TBCK: variants seen among roughly 807,000 people sequenced by gnomAD.
TBCK encodes the protein TBC1 domain containing kinase.
In TBCK, 99 loss-of-function variants were observed where a neutral mutation model predicts 113.4. The ratio of observed to expected loss-of-function variants is 0.87; its 90% CI spans 0.74 to 1.03. The LOEUF (loss-of-function observed/expected upper bound fraction) is 1.03, where lower values mean the gene tolerates loss of function less well. Ranked by LOEUF, TBCK falls within the 50% of genes least tolerant of loss-of-function variation. TBCK has a pLI of 0.00. For missense variants in TBCK, 1,045 were observed against 1,061.3 expected (o/e 0.98, Z 0.21); for synonymous variants, 369 against 370.8 (o/e 1.00, Z 0.05).
chr4:106,151,793 G>C (rs1748522003), intron 23 of TBCK, among the ~76,000 whole-genome samples: 1 of 151,790 alleles, frequency 6.6e-6, no homozygotes, highest in Admixed American at 6.6e-5. Flanking sequence ...TTTCACTGTA[G>C]AGGTCTTTCA....
At chr4:106,059,856 GA>G (rs1225257313) in intron 25 of TBCK, among the ~76,000 whole-genome samples, 2 of 151,694 alleles carry the variant, frequency 1.3e-5, no homozygotes, top group Non-Finnish European at 1.5e-5. Context: ...ATTCTTAAAC[GA>G]AATTAAAGGT....
intron 24 of TBCK, among the ~76,000 whole-genome samples, chr4:106,107,500 A>C (rs1384266416): frequency 6.6e-6 from 1 of 152,236 alleles, no homozygotes; most frequent in Non-Finnish European, 1.5e-5. Context: ...AAATCATACA[A>C]TTACATAGAA....
At chr4:106,250,574 G>T (rs1196567378) in intron 6 of TBCK, 96 bp from the exon 7 acceptor site, 15 of 627,854 alleles carry the variant, frequency 2.4e-5, no homozygotes, top group South Asian at 4.6e-5. Context: ...ATTTTATCAG[G>T]CATCTTTATT....
chr4:106,291,865 T>C (rs1043638894), intron 3 of TBCK, among the ~76,000 whole-genome samples: 2 of 152,200 alleles, frequency 1.3e-5, no homozygotes, highest in Non-Finnish European at 2.9e-5. Flanking sequence ...TGAGGCACAA[T>C]TGCTAGAATC....
chr4:106,079,465 T>C (rs1738607810), intron 25 of TBCK, among the ~76,000 whole-genome samples: 1 of 152,174 alleles, frequency 6.6e-6, no homozygotes, highest in Admixed American at 6.5e-5. Context: ...AATAAGCAAT[T>C]TCAGGACACA....
At chr4:106,169,958 G>A (rs772667876) in intron 23 of TBCK, among the ~76,000 whole-genome samples, 3 of 152,130 alleles carry the variant, frequency 2.0e-5, no homozygotes, top group Middle Eastern at 3.4e-3. Context: ...AGGAAGCAGC[G>A]CTCAGGTGGT....
intron 22 of TBCK, among the ~76,000 whole-genome samples, chr4:106,173,283 A>G (rs1482116207): frequency 2.0e-5 from 3 of 152,210 alleles, no homozygotes; most frequent in African/African-American, 7.2e-5. Context: ...ATCAAGGTTT[A>G]AGACAGGTTT....
At chr4:106,316,313 C>T, upstream of TBCK, 1 of 475,778 alleles carries the variant, frequency 2.1e-6, no homozygotes, top group Non-Finnish European at 3.8e-6. Flanking sequence ...CCCAAACTGG[C>T]CACGAAAGGA....
intron 2 of TBCK, among the ~76,000 whole-genome samples, chr4:106,303,806 T>G (rs1767211947): frequency 6.6e-6 from 1 of 152,204 alleles, no homozygotes; most frequent in Admixed American, 6.5e-5. Flanking sequence ...ACCATTTGCC[T>G]GATAACCAAC....
At chr4:106,252,629 A>G (rs576017290) in intron 5 of TBCK, among the ~76,000 whole-genome samples, 2 of 152,206 alleles carry the variant, frequency 1.3e-5, no homozygotes, top group East Asian at 3.9e-4. Flanking sequence ...AAAACTCCCA[A>G]TAATTTCATT....
chr4:106,301,859 G>A (rs1055570917), intron 2 of TBCK, among the ~76,000 whole-genome samples: 1 of 152,156 alleles, frequency 6.6e-6, no homozygotes, highest in South Asian at 2.1e-4. Context: ...ATTCTTTGAG[G>A]AGACACAAAT....
intron 4 of TBCK, 110 bp downstream of exon 4, chr4:106,261,988 T>C (rs1311237190): frequency 1.0e-5 from 5 of 491,446 alleles, no homozygotes; most frequent in Non-Finnish European, 1.0e-5. Context: ...ATTATGAATA[T>C]TCTTAAAACA....
At chr4:106,061,725 G>A (rs1736081290) in intron 25 of TBCK, among the ~76,000 whole-genome samples, 1 of 151,254 alleles carries the variant, frequency 6.6e-6, no homozygotes. Flanking sequence ...ATTACAAGAT[G>A]GTTTCCTTCT....
chr4:106,120,331 G>C (rs572353272), intron 23 of TBCK, among the ~76,000 whole-genome samples: 10 of 151,996 alleles, frequency 6.6e-5, no homozygotes, highest in African/African-American at 2.4e-4. Context: ...ACAGAGTCTC[G>C]CTGATTGCTA....
intron 22 of TBCK, among the ~76,000 whole-genome samples, chr4:106,178,782 A>G (rs561161709): frequency 6.6e-6 from 1 of 151,864 alleles, no homozygotes; most frequent in South Asian, 2.1e-4. Context: ...TGAGTTTGAA[A>G]GTATCCTCTC....
chr4:106,300,216 T>C (rs1015506484), intron 2 of TBCK, among the ~76,000 whole-genome samples: 1 of 152,230 alleles, frequency 6.6e-6, no homozygotes, highest in African/African-American at 2.4e-5. Context: ...CACGTGGAAC[T>C]GTAAGTCCAT....
At chr4:106,094,370 TC>T (rs941121043) in intron 25 of TBCK, among the ~76,000 whole-genome samples, 2 of 152,162 alleles carry the variant, frequency 1.3e-5, no homozygotes, top group Non-Finnish European at 1.5e-5. Flanking sequence ...GTTTTTTGCC[TC>T]CCAGGTGGTA....
Position 106,194,459 on chromosome 4 carries a change from T to A in TBCK, c.1897+259A>T, listed in dbSNP as rs140836092. Among the ~76,000 whole-genome samples the A allele has an allele frequency of 4.3e-3, 656 of 152,208 alleles. 3 individuals carry two copies. The highest frequency in any genetic ancestry group is 4.5e-3 in the Non-Finnish European group (307 of 67,966). On this transcript the variant is annotated intron_variant, in intron 21 of 25. Coordinates refer to ENST00000394708, the MANE Select transcript of TBCK (RefSeq NM_001163435.3). ...ATAAGCTTTATGTAAATATTATAGT[T>A]AATTTTTTTTCAAAGGGGGGCAGAG...
intron 22 of TBCK, among the ~76,000 whole-genome samples, chr4:106,192,189 T>C (rs1342205964): frequency 3.3e-5 from 5 of 152,106 alleles, no homozygotes; most frequent in Admixed American, 6.5e-5. Context: ...CTATAAAGTA[T>C]AAAAACAGAT....
Sources: gnomAD v4.1 joint callset for allele counts (sites outside exome capture counted in the v4.1 genomes callset) on GRCh38, gnomAD v4.1.1 for gene constraint, MANE v1.5 for transcripts, NCBI Gene and HGNC (gene_info 2026-07-23, HGNC 2026-07-21) for gene names.